Variants in LAMA2 observed in about 807,000 individuals in gnomAD.
The protein encoded by LAMA2 is laminin subunit alpha 2, also known as laminin subunit alpha-2.
In LAMA2, 269 loss-of-function variants were observed where a neutral mutation model predicts 364.8. That is an observed-to-expected ratio of 0.74 (90% CI 0.67 to 0.82). The LOEUF (loss-of-function observed/expected upper bound fraction) is 0.82, where lower values mean the gene tolerates loss of function less well. LAMA2 is among the 40% of genes least tolerant of loss of function. The pLI is 0.00. For synonymous variants in LAMA2, 1,379 were observed against 1,370.6 expected, an observed-to-expected ratio of 1.01 and a Z score of -0.14; for missense variants, 3,807 against 3,873.2, an observed-to-expected ratio of 0.98 and a Z score of 0.45.
intron 1 of LAMA2, among the ~76,000 whole-genome samples, chr6:129,031,100 G>C (rs148285650): frequency 7.0e-4 from 107 of 152,206 alleles, no homozygotes; most frequent in Middle Eastern, 3.4e-3. Flanking sequence ...GAATATTTGT[G>C]GGTTTCCCTG....
At chr6:129,099,021 A>G (rs1775348230) in intron 4 of LAMA2, among the ~76,000 whole-genome samples, 1 of 152,052 alleles carries the variant, frequency 6.6e-6, no homozygotes, top group Non-Finnish European at 1.5e-5. Flanking sequence ...TCCTGTGGTT[A>G]AGATTTTAGA....
At chr6:128,887,800 G>A (rs548887053) in intron 1 of LAMA2, among the ~76,000 whole-genome samples, 3 of 152,268 alleles carry the variant, frequency 2.0e-5, no homozygotes, top group East Asian at 3.9e-4. Context: ...AACCCTGGAG[G>A]CAGAGGTTGC....
intron 1 of LAMA2, among the ~76,000 whole-genome samples, chr6:129,013,692 A>G (rs1359656785): frequency 6.6e-6 from 1 of 152,090 alleles, no homozygotes; most frequent in Non-Finnish European, 1.5e-5. Context: ...TTTTAAGTAG[A>G]GATGCAGCTT....
chr6:129,100,287 C>T (rs1775447690), intron 4 of LAMA2, among the ~76,000 whole-genome samples: 1 of 152,172 alleles, frequency 6.6e-6, no homozygotes. Flanking sequence ...TTACTAAAAA[C>T]TGCTTATTGA....
chr6:129,497,236 A>T (rs1372393789), intron 58 of LAMA2, among the ~76,000 whole-genome samples: 1 of 152,036 alleles, frequency 6.6e-6, no homozygotes, highest in African/African-American at 2.4e-5. Flanking sequence ...CCATTTTTGT[A>T]TCAGAATTTA....
At chr6:129,075,600 T>C (rs1347195180) in intron 3 of LAMA2, among the ~76,000 whole-genome samples, 2 of 152,178 alleles carry the variant, frequency 1.3e-5, no homozygotes, top group Non-Finnish European at 1.5e-5. Context: ...CAGAGAGAAG[T>C]GGCAGGCTGA....
intron 34 of LAMA2, among the ~76,000 whole-genome samples, chr6:129,375,963 A>G (rs1778353192): frequency 6.6e-6 from 1 of 152,142 alleles, no homozygotes; most frequent in African/African-American, 2.4e-5. Context: ...TTCATCCTTC[A>G]TCAAATTCAG....
At chr6:129,426,434 A>G (rs969703230) in intron 40 of LAMA2, among the ~76,000 whole-genome samples, 5 of 152,140 alleles carry the variant, frequency 3.3e-5, no homozygotes, top group African/African-American at 1.2e-4. Context: ...GAGTTAAAGT[A>G]CATTGCATCT....
rs1220979865 is a variant in LAMA2 at position 129,192,663 on chromosome 6, T to C, written c.1609-17T>C. On this transcript the variant is annotated splice_polypyrimidine_tract_variant and intron_variant, in intron 11 of 64. Transcript: ENST00000421865. Reference sequence around the variant, plus strand: ...ATATTTTTTAAAAATTAATGATGACTGTGTGTTTTCTCTAAGATACAAGAT... The same window carrying C: ...ATATTTTTTAAAAATTAATGATGACCGTGTGTTTTCTCTAAGATACAAGAT... 5 of 1,610,864 alleles carry C rather than the reference T, an allele frequency of 3.1e-6. No individual in the cohort carries two copies. Among genetic ancestry groups the C allele is most frequent in the Non-Finnish European group, 3.4e-6 (4 of 1,177,174 alleles).
Position 129,267,360 on chromosome 6 carries a change from T to C in LAMA2, c.2322+141T>C, listed in dbSNP as rs952207836. On this transcript the variant is annotated intron_variant, in intron 16 of 64. Transcript: ENST00000421865. ...ACAAAGATCTTTGTATTGAACTGAA[T>C]TGGAACTGAGAATGCTCTTTCATAT... 5 of 725,672 alleles carry C rather than the reference T, an allele frequency of 6.9e-6. No individual in the cohort carries two copies. The East Asian group carries it at 1.3e-4, about 19-fold the overall frequency. The allele number at this position is 725,672 out of a possible 1,614,324, so 45.0% of individuals were successfully genotyped here.
chr6:129,500,575 A>G (rs1785552133), intron 58 of LAMA2, among the ~76,000 whole-genome samples: 1 of 152,336 alleles, frequency 6.6e-6, no homozygotes, highest in South Asian at 2.1e-4. Context: ...GTAACCTGTA[A>G]TGATTCTTAA....
At chr6:128,952,746 G>T (rs1466718016) in intron 1 of LAMA2, among the ~76,000 whole-genome samples, 2 of 151,968 alleles carry the variant, frequency 1.3e-5, no homozygotes, top group South Asian at 4.1e-4. Context: ...TATAGAATAG[G>T]TCATTTTGCT....
In LAMA2 at chr6:129,477,065, A is replaced by G. The variant is rs138729785; in HGVS notation, c.7452-1628A>G. On this transcript the variant is annotated intron_variant, in intron 53 of 64. Coordinates refer to ENST00000421865, the MANE Select transcript of LAMA2 (RefSeq NM_000426.4). ...ATTAATCATCACCCTATCAACTACAATATATTGATGCCGACTGGACAGTTT... is the reference window on the plus strand; with the variant it reads ...ATTAATCATCACCCTATCAACTACAGTATATTGATGCCGACTGGACAGTTT... Among the ~76,000 whole-genome samples, 547 of 152,282 alleles carry G rather than the reference A, an allele frequency of 3.6e-3. 3 individuals carry two copies. Among genetic ancestry groups the G allele is most frequent in the African/African-American group, 0.011 (466 of 41,578 alleles).
intron 45 of LAMA2, among the ~76,000 whole-genome samples, chr6:129,449,800 T>A (rs1241297915): frequency 8.1e-6 from 1 of 123,670 alleles, no homozygotes; most frequent in Non-Finnish European, 1.6e-5. Context: ...TCTGCTACAC[T>A]TTTTTTTTTT....
At chr6:129,116,975 A>G (rs1776517052) in intron 4 of LAMA2, among the ~76,000 whole-genome samples, 1 of 151,722 alleles carries the variant, frequency 6.6e-6, no homozygotes, top group South Asian at 2.1e-4. Context: ...TAAAATGACA[A>G]CAAAAAATTA....
In LAMA2 at chr6:129,452,996, A is replaced by G. The variant is rs755485519; in HGVS notation, c.6438A>G (p.Val2146=). Residue 2146 remains valine (V), a synonymous_variant, in exon 46 of 65, where the codon GTA becomes GTG. Coordinates refer to ENST00000421865, the MANE Select transcript of LAMA2 (RefSeq NM_000426.4). ...TCTTGTTTTTTTTAAAGATCAAAGT[A>G]TCTGTGTCTTCAGGAGGTGACTGCA... ...QARKQANSIK[V]SVSSGGDCIR... 2.0e-5 allele frequency: 33 copies of G among 1,612,418 alleles called. No homozygotes were observed. The highest frequency in any genetic ancestry group is 6.7e-5 in the Admixed American group (4 of 59,914).
intron 3 of LAMA2, among the ~76,000 whole-genome samples, chr6:129,097,055 T>A (rs1775230474): frequency 6.6e-6 from 1 of 152,228 alleles, no homozygotes; most frequent in African/African-American, 2.4e-5. Context: ...GTCCTGTTAA[T>A]CACATTGTAG....
At chr6:129,086,953 T>A (rs141213446) in intron 3 of LAMA2, among the ~76,000 whole-genome samples, 1 of 152,288 alleles carries the variant, frequency 6.6e-6, no homozygotes, top group East Asian at 1.9e-4. Flanking sequence ...CCTTCCTCCA[T>A]CTTCAAAGCC....
intron 12 of LAMA2, among the ~76,000 whole-genome samples, chr6:129,245,379 T>C (rs901725352): frequency 6.6e-6 from 1 of 152,128 alleles, no homozygotes. Flanking sequence ...CAATGACAGA[T>C]TAGTTCCTAA....
Sources: gnomAD v4.1 joint callset for allele counts (sites outside exome capture counted in the v4.1 genomes callset) on GRCh38, gnomAD v4.1.1 for gene constraint, MANE v1.5 for transcripts, NCBI Gene and HGNC (gene_info 2026-07-23, HGNC 2026-07-21) for gene names.